SYCP2: variants seen among roughly 807,000 people sequenced by gnomAD.
SYCP2 encodes synaptonemal complex lateral element protein.
In SYCP2, 55 loss-of-function variants were observed where a neutral mutation model predicts 211.3. The observed-to-expected ratio is 0.26, with a 90% CI of 0.21 to 0.33. The LOEUF is 0.33. Among genes scored for constraint, SYCP2 ranks in the 10% least tolerant of loss-of-function variants. The pLI, the probability that SYCP2 is intolerant of heterozygous loss-of-function variation, is 1.00. For synonymous variants in SYCP2, 570 were observed against 555.2 expected, an observed-to-expected ratio of 1.03 and a Z score of -0.37; for missense variants, 1,731 against 1,752.0, an observed-to-expected ratio of 0.99 and a Z score of 0.21.
intron 2 of SYCP2, among the ~76,000 whole-genome samples, chr20:59,929,208 C>CT (rs1568993011): frequency 6.6e-6 from 1 of 152,090 alleles, no homozygotes. Context: ...AACCAGTCCC[C>CT]TCTCCACCAT....
chr20:59,897,823 C>T (rs1368739138), intron 18 of SYCP2, among the ~76,000 whole-genome samples: 1 of 152,242 alleles, frequency 6.6e-6, no homozygotes, highest in Admixed American at 6.5e-5. Flanking sequence ...GTGGCTCATG[C>T]CTGTAATCCC....
intron 24 of SYCP2, among the ~76,000 whole-genome samples, chr20:59,888,393 AATC>A (rs1334779798): frequency 7.2e-5 from 11 of 152,176 alleles, no homozygotes; most frequent in Non-Finnish European, 1.3e-4. Context: ...AATTTAAAAT[AATC>A]AATCAATCAA....
chr20:59,880,879 T>C, intron 30 of SYCP2, 87 bp downstream of exon 30: 2 of 659,934 alleles, frequency 3.0e-6, no homozygotes. Flanking sequence ...TCAAAATGTT[T>C]TTGTTTTCTT....
At chr20:59,886,402 TATTC>T (rs1334244861) in intron 25 of SYCP2, among the ~76,000 whole-genome samples, 4 of 152,094 alleles carry the variant, frequency 2.6e-5, no homozygotes, top group Non-Finnish European at 5.9e-5. Context: ...TAAATATATT[TATTC>T]ATTATTAGAT....
intron 18 of SYCP2, among the ~76,000 whole-genome samples, chr20:59,899,492 A>G (rs1300973721): frequency 6.6e-6 from 1 of 152,196 alleles, no homozygotes. Context: ...CTAAGAAAGA[A>G]GGCAACAAGA....
Position 59,893,564 on chromosome 20 carries a change from G to A in SYCP2, c.1695C>T (p.Asn565=). The A allele has an allele frequency of 6.2e-7, 1 of 1,608,992 alleles. No individual in the cohort carries two copies. The highest frequency in any genetic ancestry group is 8.5e-7 in the Non-Finnish European group (1 of 1,177,022). ...KHIKTAKCVE[N]TENKNVEFPN... ...GGAATTCAACATTCTTATTTTCTGT[G>A]TTTTCTACACACTTAGCAGTTTTGA... is the stretch of plus-strand genomic sequence containing the variant. The change falls in exon 21 of 45, where the codon AAC becomes AAT. Residue 565 remains asparagine, a synonymous_variant. Transcript: ENST00000357552.
At chr20:59,866,877 C>T (rs2145584869) in intron 39 of SYCP2, among the ~76,000 whole-genome samples, 1 of 151,690 alleles carries the variant, frequency 6.6e-6, no homozygotes, top group Middle Eastern at 3.4e-3. Flanking sequence ...TTATAATTCT[C>T]TTCAAAGACA....
At chr20:59,909,969 A>G (rs1026652429) in intron 14 of SYCP2, among the ~76,000 whole-genome samples, 3 of 152,216 alleles carry the variant, frequency 2.0e-5, no homozygotes, top group Non-Finnish European at 4.4e-5. Context: ...ACCTGGAGGA[A>G]GAGGTCTATG....
intron 20 of SYCP2, among the ~76,000 whole-genome samples, chr20:59,894,817 G>C (rs915677862): frequency 6.6e-6 from 1 of 152,020 alleles, no homozygotes; most frequent in Admixed American, 6.6e-5. Flanking sequence ...GTTTCTCCAA[G>C]AAACTATTCT....
chr20:59,876,285 C>T (rs1399793726), intron 33 of SYCP2, among the ~76,000 whole-genome samples: 3 of 138,734 alleles, frequency 2.2e-5, no homozygotes, highest in Non-Finnish European at 3.1e-5. Flanking sequence ...GCAGGACAAT[C>T]GTTTGAACAC....
intron 14 of SYCP2, 95 bp from the exon 15 acceptor site, chr20:59,907,519 C>T: frequency 1.0e-6 from 1 of 997,732 alleles, no homozygotes; most frequent in Non-Finnish European, 1.5e-6. Context: ...ACTATGAATT[C>T]TTTTTGCTAG....
intron 43 of SYCP2, 61 bp from the exon 44 acceptor site, chr20:59,865,505 C>G: frequency 6.3e-7 from 1 of 1,578,670 alleles, no homozygotes; most frequent in East Asian, 2.2e-5. Flanking sequence ...ACAGCAAAGA[C>G]AAAGTTACAT....
intron 14 of SYCP2, among the ~76,000 whole-genome samples, chr20:59,907,831 T>C (rs969685920): frequency 2.0e-5 from 3 of 152,202 alleles, no homozygotes; most frequent in Admixed American, 6.5e-5. Context: ...CATTAACTGA[T>C]TGTCCTTTGA....
chr20:59,928,635 C>A (rs2060677241), intron 2 of SYCP2, among the ~76,000 whole-genome samples: 1 of 151,876 alleles, frequency 6.6e-6, no homozygotes. Flanking sequence ...ACAAATGGAT[C>A]AATAAAACAA....
In SYCP2 at chr20:59,891,991, A is replaced by ATTTTTTT; in HGVS notation, c.2356_2362dup (p.Met788LysfsTer25). ...AATCAAAACACATTGAAAGCTCACC[A>ATTTTTTT]TTTTTTTTTGTTTCGAATCCCAGGA... On this transcript the variant is annotated frameshift_variant and splice_region_variant, in exon 24 of 45. Transcript: ENST00000357552. LOFTEE classifies it high-confidence loss of function. 6.5e-7 allele frequency: 1 copy of ATTTTTTT among 1,550,118 alleles called. No homozygotes were observed.
At chr20:59,878,189 A>C in intron 31 of SYCP2, 144 bp from the exon 32 acceptor site, 1 of 595,400 alleles carries the variant, frequency 1.7e-6, no homozygotes, top group Non-Finnish European at 2.8e-6. Context: ...TAATAAGTGA[A>C]CCTCCATGTG....
At position 59,869,966 on chromosome 20, in the gene SYCP2, A is replaced by T. The variant is rs774424595; in HGVS notation, c.3573T>A (p.Thr1191=). The change falls in exon 36 of 45, where the codon ACT becomes ACA. Residue 1191 remains threonine (T), a synonymous_variant. Transcript: ENST00000357552. ...TTCTATTTACAATAGTATTACTCTT[A>T]GTTGGAGTATGTCTGGGCTATGAAT... The part of the protein sequence containing the change: ...RPLFLPRHTP[T]KSNTIVNRKK... 6.3e-7 allele frequency: 1 copy of T among 1,597,038 alleles called. No individual in the cohort carries two copies. The highest frequency in any genetic ancestry group is 2.2e-5 in the East Asian group (1 of 44,524).
Position 59,875,437 on chromosome 20 carries a change from T to C in SYCP2, c.3183A>G (p.Val1061=). ...CTTTCTGTTGTTTCTTTGGTAGCTT[T>C]ACCGTTTTCATTCTGGAATGGATAT... The part of the protein sequence containing the change: ...EENIHSRMKT[V]KLPKKQQKVF... Residue 1061 remains valine, a synonymous_variant, in exon 34 of 45, where the codon GTA becomes GTG. Transcript: ENST00000357552. 6.2e-7 allele frequency: 1 copy of C among 1,612,624 alleles called. No individual in the cohort carries two copies. The highest frequency in any genetic ancestry group is 8.5e-7 in the Non-Finnish European group (1 of 1,179,300).
At chr20:59,883,666 CATAAG>C (rs1165499476) in intron 26 of SYCP2, among the ~76,000 whole-genome samples, 5 of 150,732 alleles carry the variant, frequency 3.3e-5, no homozygotes, top group South Asian at 2.1e-4. Context: ...AATCTATAGA[CATAAG>C]ATAATAAAAC....
Sources: allele counts gnomAD v4.1 joint callset (sites outside exome capture counted in the v4.1 genomes callset), GRCh38; gene constraint gnomAD v4.1.1; transcripts MANE v1.5; gene names NCBI Gene and HGNC (gene_info 2026-07-23, HGNC 2026-07-21).